Variants in ZNF665 observed in about 807,000 individuals in gnomAD.
The protein encoded by ZNF665 is zinc finger protein 665.
ZNF665 carries 6 observed loss-of-function variants against 7.9 expected under a neutral mutation model. The ratio of observed to expected loss-of-function variants is 0.76; its 90% CI spans 0.42 to 1.50. ZNF665 has a LOEUF of 1.50. Ranked by LOEUF, ZNF665 falls within the 40% of genes most tolerant of loss-of-function variation. The pLI, the probability that ZNF665 is intolerant of heterozygous loss-of-function variation, is 0.01. For synonymous variants in ZNF665, 242 were observed against 274.5 expected (o/e 0.88, Z 1.17); for missense variants, 819 against 806.7 (o/e 1.02, Z -0.18).
At chr19:53,181,927 G>A (rs758808622) in intron 2 of ZNF665, 1 of 152,196 alleles carries the variant, frequency 6.6e-6, no homozygotes, top group Non-Finnish European at 1.5e-5. Context: ...TGCTCCCAGA[G>A]GCCTTACCCT....
chr19:53,184,758 G>A lies in ZNF665; in HGVS notation c.-45-1815C>T, dbSNP rs781694237. Among the ~76,000 whole-genome samples, 7 of 152,206 alleles carry A rather than the reference G, an allele frequency of 4.6e-5. No individual in the cohort carries two copies. In the South Asian group the frequency reaches 6.2e-4, roughly 14 times the overall value. The stretch of plus-strand genomic sequence containing the variant: ...CCCGGGGGACCACTACCACCAAGAC[G>A]TGGAGACCGGTAGTGGCCCCGAATG... On this transcript the variant is annotated intron_variant, in intron 1 of 3. Coordinates refer to ENST00000396424, the MANE Select transcript of ZNF665 (RefSeq NM_024733.5).
At chr19:53,181,489 C>T (rs376086684) in intron 2 of ZNF665, 2 of 151,750 alleles carry the variant, frequency 1.3e-5, no homozygotes, top group African/African-American at 4.8e-5. Context: ...CAGAGCATGC[C>T]TGAGCTGAGA....
Position 53,165,964 on chromosome 19 carries a change from T to C in ZNF665, c.526A>G (p.Lys176Glu), listed in dbSNP as rs2090610858. Residue 176 changes from lysine (K) to glutamate (E), a missense_variant, in exon 4 of 4, where the codon AAA becomes GAA. By Grantham distance (56) the Lys-to-Glu change is moderately conservative. Transcript: ENST00000396424. The stretch of plus-strand genomic sequence containing the variant: ...CCACATTCATCACATTTATAATGTT[T>C]TCCTCGATTATTAGGAGACTTCTCA... ...QVEKSPNNRG[K>E]HYKCDECGKV... 2 of 1,613,754 alleles carry C rather than the reference T, an allele frequency of 1.2e-6. No individual in the cohort carries two copies. Among genetic ancestry groups the C allele is most frequent in the Non-Finnish European group, 1.7e-6 (2 of 1,179,828 alleles).
chr19:53,170,057 G>T (rs555199805), intron 3 of ZNF665, among the ~76,000 whole-genome samples: 2,202 of 142,990 alleles, frequency 0.015, 65 homozygotes, highest in African/African-American at 0.056. Context: ...CCAGTAATGG[G>T]ATGGCTGGGT....
rs374630694 is a variant in ZNF665 at position 53,165,165 on chromosome 19, C to T, written c.1325G>A (p.Arg442Gln). ...TGCCTGATGGGTAGTTAGGCTTGATCGCACACTAAAGGCTTTGCCACACTC... is the reference window on the plus strand; with the variant it reads ...TGCCTGATGGGTAGTTAGGCTTGATTGCACACTAAAGGCTTTGCCACACTC... Reference protein sequence around the residue: ...CDECGKAFSVRSSLTTHQAIH... With the variant: ...CDECGKAFSVQSSLTTHQAIH... The change falls in exon 4 of 4, where the codon CGA becomes CAA. Residue 442 changes from arginine to glutamine, a missense_variant. Physicochemically the swap from Arg to Gln is conservative, Grantham distance 43. Coordinates refer to ENST00000396424, the MANE Select transcript of ZNF665 (RefSeq NM_024733.5). The T allele has an allele frequency of 9.8e-5, 158 of 1,611,224 alleles. No individual in the cohort carries two copies. The South Asian group carries it at 1.1e-3, about 11-fold the overall frequency.
intron 2 of ZNF665, chr19:53,182,622 G>T (rs182256444): frequency 5.1e-6 from 4 of 784,732 alleles, no homozygotes; most frequent in Non-Finnish European, 8.7e-6. Context: ...CTGACACCAC[G>T]GGACCCTCAC....
intron 3 of ZNF665, among the ~76,000 whole-genome samples, chr19:53,167,229 G>A (rs1379034256): frequency 6.6e-6 from 1 of 151,952 alleles, no homozygotes; most frequent in Admixed American, 6.6e-5. Flanking sequence ...TCGAACTCCC[G>A]ACCTCAGGTG....
chr19:53,183,601 C>T lies in ZNF665; in HGVS notation c.-45-658G>A, dbSNP rs138739676. On this transcript the variant is annotated intron_variant, in intron 1 of 3. Transcript: ENST00000396424. Reference sequence around the variant, plus strand: ...GAAGGTGAAGCAGCACAGAGAAACACGCAGAACAGCCAATACAGACAAGAG... The same window carrying T: ...GAAGGTGAAGCAGCACAGAGAAACATGCAGAACAGCCAATACAGACAAGAG... 2.5e-3 allele frequency among the ~76,000 whole-genome samples: 376 copies of T among 147,728 alleles called. 1 individual carries two copies. Among genetic ancestry groups the T allele is most frequent in the African/African-American group, 8.5e-3 (338 of 39,760 alleles).
intron 1 of ZNF665, among the ~76,000 whole-genome samples, chr19:53,185,306 G>A (rs201409667): frequency 1.3e-5 from 2 of 151,922 alleles, no homozygotes; most frequent in Admixed American, 6.6e-5. Context: ...TGGCGTCACC[G>A]CTAGACCAAG....
intron 2 of ZNF665, among the ~76,000 whole-genome samples, chr19:53,176,937 T>C (rs60253318): frequency 0.026 from 3,951 of 150,988 alleles, 105 homozygotes; most frequent in African/African-American, 0.065. Context: ...CTGGCCAACA[T>C]GGCAAAACCC....
Position 53,166,092 on chromosome 19 carries a change from C to T in ZNF665, c.398G>A (p.Gly133Glu). 4 of 1,614,018 alleles carry T rather than the reference C, an allele frequency of 2.5e-6. No individual in the cohort carries two copies. The highest frequency in any genetic ancestry group is 1.1e-5 in the South Asian group (1 of 91,084). The change falls in exon 4 of 4, where the codon GGA (glycine) becomes GAA (glutamate). Residue 133 changes from glycine (G) to glutamate (E), a missense_variant. Physicochemically the swap from Gly to Glu is moderately conservative, Grantham distance 98. Coordinates refer to ENST00000396424, the MANE Select transcript of ZNF665 (RefSeq NM_024733.5). ...AAGCTGATTTTCAATATGCCTGTTT[C>T]CTGCAGCCCTTCTATCACGTTGAGC... ...RRAQRDRRAA[G>E]NRHIENQLGV...
Position 53,192,521 on chromosome 19 carries a change from C to A in ZNF665, c.-46+791G>T, listed in dbSNP as rs144420584. Among the ~76,000 whole-genome samples the A allele has an allele frequency of 1.6e-3, 245 of 152,280 alleles. 1 individual carries two copies. The highest frequency in any genetic ancestry group is 5.4e-3 in the African/African-American group (226 of 41,556). On this transcript the variant is annotated intron_variant, in intron 1 of 3. Transcript: ENST00000396424. ...TTTCTCCATCCTGTTACTTTCTCAG[C>A]GACTTCTTTCACCCTTACTGTCTCT...
chr19:53,168,406 C>A (rs929474180), intron 3 of ZNF665, among the ~76,000 whole-genome samples: 2 of 151,994 alleles, frequency 1.3e-5, no homozygotes, highest in Non-Finnish European at 2.9e-5. Context: ...ATATGAAGAA[C>A]CTATACACTA....
In ZNF665 at chr19:53,164,157, A is replaced by C; in HGVS notation, c.*296T>G. 1 of 92,440 alleles carries C rather than the reference A, an allele frequency of 1.1e-5. No homozygotes were observed. The highest frequency in any genetic ancestry group is 3.0e-4 in the East Asian group (1 of 3,372). The allele number at this position is 92,440 out of a possible 1,614,324, so 5.7% of individuals were successfully genotyped here. ...ACTTTTTTTTTTTTTTTTTTTTTGG[A>C]GATGGAGTTTCACTCCTGTTGCCCA... On this transcript the variant is annotated 3_prime_UTR_variant, in exon 4 of 4. Coordinates refer to ENST00000396424, the MANE Select transcript of ZNF665 (RefSeq NM_024733.5).
rs779971809 is a variant in ZNF665 at position 53,165,856 on chromosome 19, C to T, written c.634G>A (p.Gly212Ser). 6.2e-7 allele frequency: 1 copy of T among 1,614,128 alleles called. No homozygotes were observed. The highest frequency in any genetic ancestry group is 1.1e-5 in the South Asian group (1 of 91,074). The change falls in exon 4 of 4, where the codon GGC (glycine) becomes AGC (serine). Residue 212 changes from glycine (G) to serine (S), a missense_variant. Coordinates refer to ENST00000396424, the MANE Select transcript of ZNF665 (RefSeq NM_024733.5). ...TTTGAACGAACAGTAAAGGCTTTGC[C>T]ACACTTATTACACTGGTAAGGCTTC... is the stretch of plus-strand genomic sequence containing the variant. ...GEKPYQCNKC[G>S]KAFTVRSNLT... is the part of the protein sequence containing the mutation.
rs1264633543 is a variant in ZNF665, at chr19:53,168,011, G to A, written c.143-1664C>T. Among the ~76,000 whole-genome samples, 3 of 125,316 alleles carry A rather than the reference G, an allele frequency of 2.4e-5. No homozygotes were observed. In the East Asian group the frequency reaches 7.2e-4, roughly 30 times the overall value. 82.2% of individuals were successfully genotyped at this position (125,316 alleles called of 152,430 possible). A position where few individuals can be genotyped will look rare whatever the true frequency, so the allele number is the denominator to read the frequency against. ...GTGGAGCTTGCAGTGAGCCGAGATT[G>A]TGCCATTGCACTCCAGCCTGGGCGA... On this transcript the variant is annotated intron_variant, in intron 3 of 3. Coordinates refer to ENST00000396424, the MANE Select transcript of ZNF665 (RefSeq NM_024733.5).
chr19:53,177,011 T>C (rs931950231), intron 2 of ZNF665, among the ~76,000 whole-genome samples: 22 of 152,056 alleles, frequency 1.4e-4, no homozygotes, highest in Admixed American at 3.9e-4. Context: ...CCCAGTTACT[T>C]GGGAAGCTGA....
At position 53,165,947 on chromosome 19, in the gene ZNF665, A is replaced by G; in HGVS notation, c.543T>C (p.Asp181=). ...PNNRGKHYKC[D]ECGKVFSQNS... Reference sequence around the variant, plus strand: ...TTTGACTGAAGACCTTGCCACATTCATCACATTTATAATGTTTTCCTCGAT... The same window carrying G: ...TTTGACTGAAGACCTTGCCACATTCGTCACATTTATAATGTTTTCCTCGAT... The change falls in exon 4 of 4, where the codon GAT becomes GAC. Residue 181 remains aspartate (D), a synonymous_variant. Coordinates refer to ENST00000396424, the MANE Select transcript of ZNF665 (RefSeq NM_024733.5). 6.2e-7 allele frequency: 1 copy of G among 1,614,082 alleles called. No individual in the cohort carries two copies. The highest frequency in any genetic ancestry group is 8.5e-7 in the Non-Finnish European group (1 of 1,179,994).
chr19:53,184,219 C>A (rs978854489), intron 1 of ZNF665, among the ~76,000 whole-genome samples: 7 of 151,920 alleles, frequency 4.6e-5, no homozygotes, highest in Admixed American at 4.6e-4. Context: ...CACTGCAGTC[C>A]AGCATGGGCG....
Sources: allele counts gnomAD v4.1 joint callset (sites outside exome capture counted in the v4.1 genomes callset), GRCh38; gene constraint gnomAD v4.1.1; transcripts MANE v1.5; gene names NCBI Gene and HGNC (gene_info 2026-07-23, HGNC 2026-07-21).